THSD7B: variants seen among roughly 807,000 people sequenced by gnomAD.
THSD7B encodes thrombospondin type-1 domain-containing protein 7B.
Under a neutral mutation model 213.6 loss-of-function variants are expected in THSD7B, and 138 were observed. The observed-to-expected ratio is 0.65, with a 90% confidence interval of 0.56 to 0.74. The LOEUF (loss-of-function observed/expected upper bound fraction) is 0.74. Among genes scored for constraint, THSD7B ranks in the 30% least tolerant of loss-of-function variants. THSD7B has a pLI of 0.00. For missense variants in THSD7B, 1,931 were observed against 1,991.5 expected (o/e 0.97, Z 0.58); for synonymous variants, 742 against 687.0 (o/e 1.08, Z -1.25).
At chr2:137,088,814 A>T (rs1687891430) in intron 3 of THSD7B, among the ~76,000 whole-genome samples, 1 of 152,196 alleles carries the variant, frequency 6.6e-6, no homozygotes, top group Admixed American at 6.5e-5. Flanking sequence ...GGCTAAGGAC[A>T]TAAATAGACA....
intron 15 of THSD7B, among the ~76,000 whole-genome samples, chr2:137,486,002 A>G (rs1354169714): frequency 6.6e-6 from 1 of 152,206 alleles, no homozygotes; most frequent in Non-Finnish European, 1.5e-5. Flanking sequence ...GAAGCACTAA[A>G]CATGGAAAGG....
intron 2 of THSD7B, among the ~76,000 whole-genome samples, chr2:136,933,413 A>G (rs776056324): frequency 3.3e-5 from 5 of 151,964 alleles, no homozygotes; most frequent in Non-Finnish European, 7.4e-5. Context: ...TGCCTCTACT[A>G]AAAAAGAATA....
chr2:136,931,891 A>G (rs1684637746), intron 2 of THSD7B, among the ~76,000 whole-genome samples: 1 of 152,202 alleles, frequency 6.6e-6, no homozygotes, highest in Non-Finnish European at 1.5e-5. Context: ...TAGATATTTC[A>G]AATAACATTT....
At chr2:137,645,247 T>C (rs1683009288) in intron 21 of THSD7B, among the ~76,000 whole-genome samples, 1 of 152,242 alleles carries the variant, frequency 6.6e-6, no homozygotes, top group Admixed American at 6.5e-5. Flanking sequence ...TAGTTAGTAT[T>C]ATAATTTTTA....
intron 12 of THSD7B, among the ~76,000 whole-genome samples, chr2:137,300,841 A>G (rs943160680): frequency 6.6e-6 from 1 of 152,128 alleles, no homozygotes; most frequent in African/African-American, 2.4e-5. Context: ...AAAGATGGAA[A>G]GAACTCGTGT....
intron 3 of THSD7B, among the ~76,000 whole-genome samples, chr2:137,093,535 C>T (rs950125858): frequency 6.6e-6 from 1 of 152,152 alleles, no homozygotes; most frequent in African/African-American, 2.4e-5. Flanking sequence ...GTTCCCATCC[C>T]CAAAAGGTAT....
intron 16 of THSD7B, among the ~76,000 whole-genome samples, chr2:137,567,418 G>A (rs1335600371): frequency 2.0e-5 from 3 of 151,992 alleles, no homozygotes; most frequent in African/African-American, 7.3e-5. Context: ...CTGCCACCCT[G>A]CCTGGCCTCT....
chr2:137,551,392 A>G (rs1473355357), intron 15 of THSD7B, among the ~76,000 whole-genome samples: 2 of 152,170 alleles, frequency 1.3e-5, no homozygotes, highest in Admixed American at 6.6e-5. Context: ...ATTAATCACA[A>G]TGGTGCCTAC....
intron 21 of THSD7B, among the ~76,000 whole-genome samples, chr2:137,647,829 G>C (rs1170665881): frequency 6.6e-6 from 1 of 152,140 alleles, no homozygotes; most frequent in African/African-American, 2.4e-5. Flanking sequence ...GCTGAGGCCA[G>C]CTTGGTAACA....
At chr2:136,998,261 C>CAAAAAAAAAAAAAAAAAAAAAAAAA (rs33931359) in intron 2 of THSD7B, among the ~76,000 whole-genome samples, 2 of 98,402 alleles carry the variant, frequency 2.0e-5, no homozygotes, top group Non-Finnish European at 4.3e-5. Flanking sequence ...ACTAAAAGGC[C>CAAAAAAAAAAAAAAAAAAAAAAAAA]AAAAAAAAAA....
intron 1 of THSD7B, among the ~76,000 whole-genome samples, chr2:136,850,404 A>T (rs778211): frequency 4.6e-5 from 7 of 151,746 alleles, no homozygotes; most frequent in South Asian, 2.1e-4. Context: ...CTAAAAGAAA[A>T]GTAAAGCAAA....
intron 12 of THSD7B, among the ~76,000 whole-genome samples, chr2:137,369,163 A>ATC (rs1210396572): frequency 6.6e-6 from 1 of 150,546 alleles, no homozygotes; most frequent in Non-Finnish European, 1.5e-5. Flanking sequence ...ATATATATAT[A>ATC]TATATTTTTG....
chr2:137,095,382 G>A (rs1688022180), intron 4 of THSD7B, among the ~76,000 whole-genome samples: 1 of 152,166 alleles, frequency 6.6e-6, no homozygotes, highest in African/African-American at 2.4e-5. Flanking sequence ...TTTACCAGCA[G>A]TACTTAATTC....
chr2:137,434,240 T>C (rs1342301883), intron 14 of THSD7B, among the ~76,000 whole-genome samples: 1 of 152,308 alleles, frequency 6.6e-6, no homozygotes, highest in African/African-American at 2.4e-5. Context: ...AGGAGACTTT[T>C]TGTCAAATTT....
chr2:136,829,179 TA>T (rs34727528), intron 1 of THSD7B, among the ~76,000 whole-genome samples: 2 of 148,478 alleles, frequency 1.3e-5, no homozygotes, highest in African/African-American at 4.9e-5. Context: ...ATCTAATTCT[TA>T]AAAAAAAAAA....
chr2:137,205,222 G>T (rs1005530983), intron 7 of THSD7B, among the ~76,000 whole-genome samples: 5 of 152,140 alleles, frequency 3.3e-5, no homozygotes, highest in African/African-American at 1.2e-4. Context: ...TTTTAGAAAA[G>T]ATTCTTGGAG....
At chr2:136,947,907 G>A (rs1436702240) in intron 2 of THSD7B, among the ~76,000 whole-genome samples, 1 of 152,170 alleles carries the variant, frequency 6.6e-6, no homozygotes, top group Non-Finnish European at 1.5e-5. Context: ...TTGCAGGGAA[G>A]TGTCTGCTGG....
At chr2:137,480,349 T>C (rs1162985013) in intron 15 of THSD7B, among the ~76,000 whole-genome samples, 1 of 152,216 alleles carries the variant, frequency 6.6e-6, no homozygotes. Flanking sequence ...CATCAGAATT[T>C]TCAATCATGG....
chr2:136,813,127 TTTAA>T (rs1682410254), intron 1 of THSD7B, among the ~76,000 whole-genome samples: 1 of 152,336 alleles, frequency 6.6e-6, no homozygotes, highest in South Asian at 2.1e-4. Context: ...TTTTCTTCTG[TTTAA>T]TTAATATCCT....
Sources: allele counts gnomAD v4.1 joint callset (sites outside exome capture counted in the v4.1 genomes callset), GRCh38; gene constraint gnomAD v4.1.1; transcripts MANE v1.5; gene names NCBI Gene and HGNC (gene_info 2026-07-23, HGNC 2026-07-21).